Variants in SPIDR observed in about 807,000 individuals in gnomAD.
SPIDR encodes scaffold protein involved in DNA repair.
Under a neutral mutation model 104.6 loss-of-function variants are expected in SPIDR, and 93 were observed. That is an observed-to-expected ratio of 0.89 (90% CI 0.75 to 1.06). The LOEUF (loss-of-function observed/expected upper bound fraction) is 1.06, where lower values mean the gene tolerates loss of function less well. SPIDR is among the 50% of genes least tolerant of loss of function. SPIDR has a pLI of 0.00. For missense variants in SPIDR, 1,154 were observed against 1,111.2 expected (o/e 1.04, Z -0.55); for synonymous variants, 431 against 416.9 (o/e 1.03, Z -0.41).
intron 7 of SPIDR, among the ~76,000 whole-genome samples, chr8:47,439,860 A>G (rs1197038215): frequency 6.6e-6 from 1 of 152,188 alleles, no homozygotes; most frequent in Admixed American, 6.5e-5. Flanking sequence ...AGCCTTTCTG[A>G]TCATTGGAAC....
Position 47,264,223 on chromosome 8 carries a change from C to G in SPIDR, c.33+3232C>G, listed in dbSNP as rs1554544887. ...GGAATTAGGAATAGAATAGAAAGGACTGGGTTGACAGACTACAAATGGAAG... is the reference window on the plus strand; with the variant it reads ...GGAATTAGGAATAGAATAGAAAGGAGTGGGTTGACAGACTACAAATGGAAG... On this transcript the variant is annotated intron_variant, in intron 1 of 19. Coordinates refer to ENST00000297423, the MANE Select transcript of SPIDR (RefSeq NM_001080394.4). Among the ~76,000 whole-genome samples the G allele has an allele frequency of 3.3e-5, 5 of 152,244 alleles. No individual in the cohort carries two copies. In the South Asian group the frequency reaches 1.0e-3, roughly 32 times the overall value.
At chr8:47,460,502 A>G (rs931443555) in intron 8 of SPIDR, among the ~76,000 whole-genome samples, 46 of 152,146 alleles carry the variant, frequency 3.0e-4, no homozygotes, top group African/African-American at 1.1e-3. Context: ...TTTGGTGTTC[A>G]TTTGCGTGGG....
chr8:47,411,367 T>A (rs1460381936), intron 7 of SPIDR, among the ~76,000 whole-genome samples: 1 of 152,228 alleles, frequency 6.6e-6, no homozygotes, highest in African/African-American at 2.4e-5. Context: ...TGGTGTGACA[T>A]GGTATCTCAT....
intron 6 of SPIDR, among the ~76,000 whole-genome samples, chr8:47,397,088 T>G (rs1038380567): frequency 6.6e-6 from 1 of 152,052 alleles, no homozygotes; most frequent in Non-Finnish European, 1.5e-5. Context: ...GTGGCCATGG[T>G]GAGCAAAGCA....
intron 7 of SPIDR, among the ~76,000 whole-genome samples, chr8:47,424,785 G>A (rs1028313582): frequency 1.3e-5 from 2 of 152,182 alleles, no homozygotes; most frequent in African/African-American, 2.4e-5. Context: ...GTGCAGGCTG[G>A]AGTGCAGTGG....
chr8:47,312,353 C>T (rs1239139599), intron 5 of SPIDR, among the ~76,000 whole-genome samples: 1 of 152,174 alleles, frequency 6.6e-6, no homozygotes, highest in Non-Finnish European at 1.5e-5. Context: ...AAAAGTGTTC[C>T]TGTTTCTCCA....
intron 10 of SPIDR, among the ~76,000 whole-genome samples, chr8:47,656,301 G>T (rs1226334782): frequency 6.6e-6 from 1 of 152,072 alleles, no homozygotes; most frequent in African/African-American, 2.4e-5. Flanking sequence ...AATATGTAAA[G>T]AACACTTACT....
chr8:47,290,559 T>C (rs984162716), intron 3 of SPIDR, among the ~76,000 whole-genome samples: 10 of 152,164 alleles, frequency 6.6e-5, no homozygotes, highest in Admixed American at 5.9e-4. Context: ...AAATAAAAAG[T>C]TTAATTAAAT....
chr8:47,606,380 GC>G (rs1758557125), intron 10 of SPIDR, among the ~76,000 whole-genome samples: 1 of 151,626 alleles, frequency 6.6e-6, no homozygotes, highest in Non-Finnish European at 1.5e-5. Flanking sequence ...AAAAAAATTA[GC>G]TGGGCGTGGT....
At chr8:47,564,450 C>T (rs1434645922) in intron 8 of SPIDR, among the ~76,000 whole-genome samples, 7 of 152,070 alleles carry the variant, frequency 4.6e-5, no homozygotes, top group African/African-American at 1.4e-4. Context: ...GAGGCCAAAG[C>T]GGGTGGATCA....
chr8:47,522,363 T>A (rs1217734245), intron 8 of SPIDR, among the ~76,000 whole-genome samples: 2 of 152,130 alleles, frequency 1.3e-5, no homozygotes, highest in Non-Finnish European at 2.9e-5. Context: ...ACATGTGTTT[T>A]CCCTCCCATG....
intron 1 of SPIDR, among the ~76,000 whole-genome samples, chr8:47,274,924 C>T (rs1006876478): frequency 6.6e-5 from 10 of 151,306 alleles, no homozygotes; most frequent in Non-Finnish European, 1.0e-4. Context: ...AAATAATACA[C>T]AGCTATTGTG....
At chr8:47,265,444 G>A (rs1238899503) in intron 1 of SPIDR, among the ~76,000 whole-genome samples, 3 of 151,842 alleles carry the variant, frequency 2.0e-5, no homozygotes, top group Admixed American at 6.6e-5. Flanking sequence ...TTTCTCCTTG[G>A]CCTCCCAAAG....
At chr8:47,572,245 A>G (rs1427186509) in intron 8 of SPIDR, among the ~76,000 whole-genome samples, 2 of 152,244 alleles carry the variant, frequency 1.3e-5, no homozygotes, top group Non-Finnish European at 2.9e-5. Flanking sequence ...CATTGTATTT[A>G]TAGCCCAGCA....
At chr8:47,303,100 C>A (rs1392439795) in intron 5 of SPIDR, among the ~76,000 whole-genome samples, 4 of 152,226 alleles carry the variant, frequency 2.6e-5, no homozygotes, top group Admixed American at 6.5e-5. Context: ...CACCCAGTTC[C>A]AGCTTCCCTG....
At chr8:47,391,245 A>G (rs544857992) in intron 5 of SPIDR, among the ~76,000 whole-genome samples, 4 of 152,126 alleles carry the variant, frequency 2.6e-5, no homozygotes, top group Admixed American at 6.5e-5. Context: ...CCTGTTAGAA[A>G]TGACTACATG....
chr8:47,607,957 A>G (rs375771074), intron 10 of SPIDR, among the ~76,000 whole-genome samples: 44 of 150,242 alleles, frequency 2.9e-4, no homozygotes, highest in African/African-American at 1.1e-3. Context: ...CTTTATTGAT[A>G]CATAATTCAC....
chr8:47,673,968 AT>A, intron 11 of SPIDR, 27 bp downstream of exon 11: 3 of 1,602,234 alleles, frequency 1.9e-6, no homozygotes, highest in Non-Finnish European at 2.6e-6. Flanking sequence ...ATGGCATCCA[AT>A]TTGCTACAAT....
At chr8:47,286,825 C>G (rs916495066) in intron 3 of SPIDR, among the ~76,000 whole-genome samples, 185 of 152,256 alleles carry the variant, frequency 1.2e-3, no homozygotes, top group African/African-American at 4.4e-3. Context: ...AGTGAGAGGT[C>G]ATTTTTTTCT....
Sources: allele counts gnomAD v4.1 joint callset (sites outside exome capture counted in the v4.1 genomes callset), GRCh38; gene constraint gnomAD v4.1.1; transcripts MANE v1.5; gene names NCBI Gene and HGNC (gene_info 2026-07-23, HGNC 2026-07-21).